Variants in ZDHHC20 observed in about 807,000 individuals in gnomAD.
ZDHHC20 encodes palmitoyltransferase ZDHHC20.
Under a neutral mutation model 57.8 loss-of-function variants are expected in ZDHHC20, and 43 were observed. That is an observed-to-expected ratio of 0.74 (90% confidence interval 0.58 to 0.96). The LOEUF is 0.96. Ranked by LOEUF, ZDHHC20 falls within the 40% of genes least tolerant of loss-of-function variation. The pLI is 0.00. For synonymous variants in ZDHHC20, 157 were observed against 153.0 expected, an observed-to-expected ratio of 1.03 and a Z score of -0.19; for missense variants, 391 against 441.1, an observed-to-expected ratio of 0.89 and a Z score of 1.02.
chr13:21,376,493 C>A lies in ZDHHC20; in HGVS notation c.*203G>T. The A allele has an allele frequency of 7.2e-6, 3 of 418,466 alleles. No homozygotes were observed. Among genetic ancestry groups the A allele is most frequent in the East Asian group, 3.9e-5 (1 of 25,512 alleles). The allele number at this position is 418,466 out of a possible 1,614,324, so 25.9% of individuals were successfully genotyped here. On this transcript the variant is annotated 3_prime_UTR_variant, in exon 13 of 13. Transcript: ENST00000400590. The stretch of plus-strand genomic sequence containing the variant: ...CACAAATGGACACTTAAGATTAAGG[C>A]ATCATTCTGCTCTGGAGTAGTGCTT...
chr13:21,381,326 ATTTTAGTATTT>A (rs1323388308), intron 11 of ZDHHC20, 97 bp downstream of exon 11: 5 of 945,134 alleles, frequency 5.3e-6, no homozygotes, highest in Non-Finnish European at 7.9e-6. Context: ...AGTTTCACAT[ATTTTAGTATTT>A]TTAAAATGTT....
At position 21,373,154 on chromosome 13, in the gene ZDHHC20, T is replaced by C. The variant is rs1323199840; in HGVS notation, c.*3542A>G. The C allele has an allele frequency of 3.9e-5, 6 of 152,190 alleles. No homozygotes were observed. The highest frequency in any genetic ancestry group is 8.8e-5 in the Non-Finnish European group (6 of 68,014). 9.4% of individuals were successfully genotyped at this position (152,190 alleles called of 1,614,324 possible). On this transcript the variant is annotated 3_prime_UTR_variant, in exon 13 of 13. Coordinates refer to ENST00000400590, the MANE Select transcript of ZDHHC20 (RefSeq NM_001330059.2). ...TATGACTTTCTTAATAACAGATTAG[T>C]TAAAAATACTTTCCATTGATAGCAG...
intron 7 of ZDHHC20, among the ~76,000 whole-genome samples, chr13:21,395,648 C>T (rs892143560): frequency 1.3e-5 from 2 of 151,582 alleles, no homozygotes; most frequent in Non-Finnish European, 1.5e-5. Flanking sequence ...ACTACAGGTG[C>T]GTGCCACCAC....
At chr13:21,387,439 A>C (rs1874748040) in intron 9 of ZDHHC20, 69 bp downstream of exon 9, 1 of 1,219,340 alleles carries the variant, frequency 8.2e-7, no homozygotes. Context: ...CTAAATCTGA[A>C]GACATTTAAC....
intron 1 of ZDHHC20, among the ~76,000 whole-genome samples, chr13:21,440,896 A>AAG (rs1209756239): frequency 2.0e-5 from 3 of 152,044 alleles, no homozygotes; most frequent in Non-Finnish European, 2.9e-5. Flanking sequence ...TTAAAAAAAA[A>AAG]AGAGAGAGAG....
At chr13:21,452,201 GGAA>G (rs900311507) in intron 1 of ZDHHC20, among the ~76,000 whole-genome samples, 30 of 150,948 alleles carry the variant, frequency 2.0e-4, no homozygotes, top group Non-Finnish European at 4.1e-4. Context: ...GCTGGGGGTG[GGAA>G]GAAGGATTAA....
chr13:21,380,689 G>T (rs1873200094), intron 11 of ZDHHC20, among the ~76,000 whole-genome samples: 1 of 151,534 alleles, frequency 6.6e-6, no homozygotes, highest in African/African-American at 2.4e-5. Context: ...CTACTCGGGA[G>T]GCTGAGGCAG....
intron 1 of ZDHHC20, among the ~76,000 whole-genome samples, chr13:21,458,045 T>A (rs1885062047): frequency 6.6e-6 from 1 of 152,190 alleles, no homozygotes; most frequent in Non-Finnish European, 1.5e-5. Context: ...TGAGGCCAGT[T>A]TAAGTGTAAA....
At chr13:21,450,614 TAAAAG>T (rs1884352308) in intron 1 of ZDHHC20, among the ~76,000 whole-genome samples, 1 of 152,088 alleles carries the variant, frequency 6.6e-6, no homozygotes, top group Admixed American at 6.6e-5. Flanking sequence ...TAACAAAAAG[TAAAAG>T]AGAAGGCTAA....
intron 1 of ZDHHC20, among the ~76,000 whole-genome samples, chr13:21,426,456 C>G (rs1881260308): frequency 1.3e-5 from 2 of 152,134 alleles, no homozygotes; most frequent in Non-Finnish European, 2.9e-5. Context: ...TGTAACACAC[C>G]ACCACCACTA....
chr13:21,384,506 T>C (rs1874092444), intron 9 of ZDHHC20, among the ~76,000 whole-genome samples: 1 of 146,086 alleles, frequency 6.8e-6, no homozygotes, highest in Non-Finnish European at 1.5e-5. Context: ...CTTAAATCTA[T>C]GGGACAGAGT....
chr13:21,454,243 T>C (rs1192417671), intron 1 of ZDHHC20, among the ~76,000 whole-genome samples: 2 of 152,094 alleles, frequency 1.3e-5, no homozygotes, highest in Admixed American at 6.6e-5. Flanking sequence ...GGAGAATTGC[T>C]TGAACCCAGG....
rs148493867 is a variant in ZDHHC20, at chr13:21,445,197, G to C, written c.118+13857C>G. On this transcript the variant is annotated intron_variant, in intron 1 of 12. Coordinates refer to ENST00000400590, the MANE Select transcript of ZDHHC20 (RefSeq NM_001330059.2). The stretch of plus-strand genomic sequence containing the variant: ...CTAGTTATAACAAATATAATGAAAG[G>C]CCTGCAAATAGAGCTTATAAATTAT... 7.6e-3 allele frequency among the ~76,000 whole-genome samples: 1,157 copies of C among 151,956 alleles called. 4 individuals carry two copies. Among genetic ancestry groups the C allele is most frequent in the Middle Eastern group, 0.024 (7 of 292 alleles).
intron 4 of ZDHHC20, among the ~76,000 whole-genome samples, chr13:21,403,451 C>G (rs1877998782): frequency 6.6e-6 from 1 of 152,124 alleles, no homozygotes; most frequent in Non-Finnish European, 1.5e-5. Flanking sequence ...GTATGGAACA[C>G]CTGCTAGGTG....
At chr13:21,420,318 T>C (rs1254181477) in intron 3 of ZDHHC20, among the ~76,000 whole-genome samples, 6 of 152,142 alleles carry the variant, frequency 3.9e-5, no homozygotes. Context: ...AATACATGCA[T>C]GTTTTAACTG....
chr13:21,407,572 T>C (rs1028556618), intron 4 of ZDHHC20, among the ~76,000 whole-genome samples: 3 of 152,204 alleles, frequency 2.0e-5, no homozygotes, highest in African/African-American at 7.2e-5. Flanking sequence ...ATTCTGTAGG[T>C]TGCCTGTTCA....
At chr13:21,421,243 G>C in intron 2 of ZDHHC20, 79 bp from the exon 3 acceptor site, 13 of 1,079,344 alleles carry the variant, frequency 1.2e-5, no homozygotes, top group Non-Finnish European at 1.8e-5. Context: ...CACAATAATT[G>C]GGTCAGGAGG....
intron 11 of ZDHHC20, among the ~76,000 whole-genome samples, chr13:21,378,991 A>T (rs1256410888): frequency 6.6e-6 from 1 of 152,206 alleles, no homozygotes; most frequent in Non-Finnish European, 1.5e-5. Flanking sequence ...AGCAATAATT[A>T]AGAAGTTCAC....
Position 21,402,825 on chromosome 13 carries a change from G to A in ZDHHC20, c.412C>T (p.Arg138Trp), listed in dbSNP as rs981600749. 5.0e-6 allele frequency: 8 copies of A among 1,598,674 alleles called. No individual in the cohort carries two copies. The highest frequency in any genetic ancestry group is 1.3e-5 in the African/African-American group (1 of 74,720). Residue 138 changes from arginine (R) to tryptophan (W), a missense_variant, in exon 5 of 13, where the codon CGG (arginine) becomes TGG (tryptophan). Coordinates refer to ENST00000400590, the MANE Select transcript of ZDHHC20 (RefSeq NM_001330059.2). Reference protein sequence around the residue: ...CEKCQLIKPDRAHHCSACDSC... With the variant: ...CEKCQLIKPDWAHHCSACDSC... ...TCACAGGCTGAGCAGTGATGCGCCC[G>A]ATCAGGTTTAATCAGCTGACATTTT...
Sources: allele counts gnomAD v4.1 joint callset (sites outside exome capture counted in the v4.1 genomes callset), GRCh38; gene constraint gnomAD v4.1.1; transcripts MANE v1.5; gene names NCBI Gene and HGNC (gene_info 2026-07-23, HGNC 2026-07-21).